Variants in ERICH3 observed in about 807,000 individuals in gnomAD.
ERICH3 encodes the protein glutamate rich 3.
ERICH3 carries 126 observed loss-of-function variants against 131.1 expected under a neutral mutation model. The observed-to-expected ratio is 0.96, with a 90% CI of 0.83 to 1.11. The LOEUF is 1.11. Ranked by LOEUF, ERICH3 falls within the 50% of genes most tolerant of loss-of-function variation. ERICH3 has a pLI of 0.00. For missense variants in ERICH3, 2,050 were observed against 1,810.7 expected, an observed-to-expected ratio of 1.13 and a Z score of -2.40; for synonymous variants, 695 against 644.6, an observed-to-expected ratio of 1.08 and a Z score of -1.18.
At chr1:74,655,290 C>G (rs965835275) in intron 1 of ERICH3, among the ~76,000 whole-genome samples, 1 of 152,136 alleles carries the variant, frequency 6.6e-6, no homozygotes, top group African/African-American at 2.4e-5. Flanking sequence ...TAACAAATTA[C>G]CACATACTAG....
intron 4 of ERICH3, among the ~76,000 whole-genome samples, chr1:74,642,032 ACT>A (rs1646442142): frequency 6.6e-6 from 1 of 151,888 alleles, no homozygotes; most frequent in African/African-American, 2.4e-5. Context: ...AGTGTGAGTG[ACT>A]CTTTTTTTCC....
rs866614156 is a variant in ERICH3, at chr1:74,586,201, G to A, written c.2176+3430C>T. 6.6e-5 allele frequency among the ~76,000 whole-genome samples: 10 copies of A among 152,090 alleles called. 1 individual carries two copies. In the Middle Eastern group the frequency reaches 0.034, roughly 517 times the overall value. ...GCAATATAAGAATAACAGATAAGGT[G>A]AATAAGAAGAAAAGAGAAGTGTGCT... is the stretch of plus-strand genomic sequence containing the variant. On this transcript the variant is annotated intron_variant, in intron 12 of 14. Coordinates refer to ENST00000326665, the MANE Select transcript of ERICH3 (RefSeq NM_001002912.5).
chr1:74,666,720 C>T (rs200784293), intron 1 of ERICH3, among the ~76,000 whole-genome samples: 24 of 152,110 alleles, frequency 1.6e-4, no homozygotes, highest in East Asian at 9.7e-4. Flanking sequence ...ATAGTAAATC[C>T]TATCTTATGT....
Position 74,571,745 on chromosome 1 carries a change from C to T in ERICH3, c.3965G>A (p.Gly1322Glu). Residue 1322 changes from glycine (G) to glutamate (E), a missense_variant, in exon 14 of 15, where the codon GGA becomes GAA. Transcript: ENST00000326665. ...RNSEGDGDMEGEGNTQKNEGM... is the reference protein window; with the variant it reads ...RNSEGDGDMEEEGNTQKNEGM... ...CTCATTCTTTTGTGTGTTTCCTTCTCCTTCCATGTCCCCGTCCCCTTCCGA... is the reference window on the plus strand; with the variant it reads ...CTCATTCTTTTGTGTGTTTCCTTCTTCTTCCATGTCCCCGTCCCCTTCCGA... 3.1e-6 allele frequency: 5 copies of T among 1,614,174 alleles called. No homozygotes were observed. The highest frequency in any genetic ancestry group is 4.2e-6 in the Non-Finnish European group (5 of 1,180,028).
chr1:74,673,578 C>A lies in ERICH3; in HGVS notation c.-59G>T, dbSNP rs1298089408. On this transcript the variant is annotated 5_prime_UTR_variant, in exon 1 of 15. Coordinates refer to ENST00000326665, the MANE Select transcript of ERICH3 (RefSeq NM_001002912.5). ...TGCGGAGGGTGGGTGCGTGGGGCCC[C>A]GTGCGCGCTGGCGCTGCGACAGTCG... is the stretch of plus-strand genomic sequence containing the variant. 1 of 1,585,452 alleles carries A rather than the reference C, an allele frequency of 6.3e-7. No homozygotes were observed. Among genetic ancestry groups the A allele is most frequent in the Non-Finnish European group, 8.6e-7 (1 of 1,164,088 alleles).
At chr1:74,651,998 C>T (rs910041037) in intron 1 of ERICH3, among the ~76,000 whole-genome samples, 2 of 152,134 alleles carry the variant, frequency 1.3e-5, no homozygotes, top group Admixed American at 6.5e-5. Flanking sequence ...TGGGTTGAAA[C>T]CTTTTTACAC....
At chr1:74,578,217 T>C (rs145883453) in intron 12 of ERICH3, 1 of 156,368 alleles carries the variant, frequency 6.4e-6, no homozygotes, top group Non-Finnish European at 1.4e-5. Flanking sequence ...AATGAAATAA[T>C]ATAGAGAGAG....
Position 74,620,777 on chromosome 1 carries a change from A to G in ERICH3, c.957T>C (p.Gly319=). 1 of 1,611,410 alleles carries G rather than the reference A, an allele frequency of 6.2e-7. No homozygotes were observed. Among genetic ancestry groups the G allele is most frequent in the Non-Finnish European group, 8.5e-7 (1 of 1,179,162 alleles). ...DEIKVYQQHC[G]GENLCVYKGK... ...CTTTGTAGACACAAAGGTTTTCCCC[A>G]CCACAGTGCTGCTGATAAACTTTAA... The change falls in exon 8 of 15, where the codon GGT becomes GGC. Residue 319 remains glycine (G), a synonymous_variant. Transcript: ENST00000326665.
intron 1 of ERICH3, among the ~76,000 whole-genome samples, chr1:74,669,370 G>C (rs1646720758): frequency 6.6e-6 from 1 of 152,046 alleles, no homozygotes; most frequent in African/African-American, 2.4e-5. Flanking sequence ...AAAATTTACA[G>C]ATGAGTGCAA....
Position 74,572,094 on chromosome 1 carries a change from C to G in ERICH3, c.3616G>C (p.Glu1206Gln), listed in dbSNP as rs1438303169. The change falls in exon 14 of 15, where the codon GAA (glutamate) becomes CAA (glutamine). Residue 1206 changes from glutamate to glutamine, a missense_variant. Coordinates refer to ENST00000326665, the MANE Select transcript of ERICH3 (RefSeq NM_001002912.5). ...CCCTCTCCATCTTGGCGGTGCCCTT[C>G]CTTCAGGGCCCTATTCTCCCTGCTG... ...LSSRENRALKEGHRQDGEGAL... is the reference protein window; with the variant it reads ...LSSRENRALKQGHRQDGEGAL... The G allele has an allele frequency of 5.0e-6, 8 of 1,614,230 alleles. No individual in the cohort carries two copies. The highest frequency in any genetic ancestry group is 5.9e-6 in the Non-Finnish European group (7 of 1,180,032).
chr1:74,599,625 A>G, intron 11 of ERICH3, 70 bp downstream of exon 11: 1 of 1,263,656 alleles, frequency 7.9e-7, no homozygotes, highest in Non-Finnish European at 1.1e-6. Flanking sequence ...CTCATTAAAT[A>G]GAAAACAAAG....
intron 11 of ERICH3, among the ~76,000 whole-genome samples, chr1:74,590,823 A>T (rs886152153): frequency 1.3e-5 from 2 of 152,188 alleles, no homozygotes; most frequent in African/African-American, 4.8e-5. Context: ...GAGTATATAG[A>T]AATTTTCAAG....
At chr1:74,602,806 T>C (rs1470517555) in intron 10 of ERICH3, among the ~76,000 whole-genome samples, 2 of 151,900 alleles carry the variant, frequency 1.3e-5, no homozygotes, top group East Asian at 3.9e-4. Flanking sequence ...TAAACCACCA[T>C]GCTTCAAAGT....
intron 7 of ERICH3, among the ~76,000 whole-genome samples, chr1:74,626,668 G>C (rs1649425606): frequency 6.6e-6 from 1 of 152,130 alleles, no homozygotes; most frequent in Non-Finnish European, 1.5e-5. Context: ...GATCCTGAGT[G>C]GGAACACAAA....
Position 74,634,518 on chromosome 1 carries a change from A to C in ERICH3, c.603+1762T>G, listed in dbSNP as rs184680471. 406 of 587,610 alleles carry C rather than the reference A, an allele frequency of 6.9e-4. 2 individuals are homozygous for C. The highest frequency in any genetic ancestry group is 5.0e-3 in the Middle Eastern group (12 of 2,400). 36.4% of individuals were successfully genotyped at this position (587,610 alleles called of 1,614,324 possible). A position where few individuals can be genotyped will look rare whatever the true frequency, so the allele number is the denominator to read the frequency against. ...TATCCAGTGGCTCAGAACAGATTTGAAGAGTCACATTAAAGGAAAAAAAAA... is the reference window on the plus strand; with the variant it reads ...TATCCAGTGGCTCAGAACAGATTTGCAGAGTCACATTAAAGGAAAAAAAAA... On this transcript the variant is annotated intron_variant, in intron 6 of 14. Transcript: ENST00000326665.
intron 9 of ERICH3, among the ~76,000 whole-genome samples, chr1:74,609,448 T>C (rs1000532703): frequency 2.0e-5 from 3 of 152,092 alleles, no homozygotes; most frequent in Non-Finnish European, 4.4e-5. Flanking sequence ...AAAGTATCAT[T>C]ATGGGAGTGA....
intron 12 of ERICH3, among the ~76,000 whole-genome samples, chr1:74,586,041 T>C (rs1305561116): frequency 6.6e-6 from 1 of 152,150 alleles, no homozygotes; most frequent in East Asian, 1.9e-4. Context: ...TTATATTCCC[T>C]GATTCTATAT....
At chr1:74,629,106 G>A (rs2100620667) in intron 7 of ERICH3, among the ~76,000 whole-genome samples, 1 of 152,148 alleles carries the variant, frequency 6.6e-6, no homozygotes, top group African/African-American at 2.4e-5. Flanking sequence ...ATACGACGGA[G>A]TTAAAATCAT....
intron 1 of ERICH3, among the ~76,000 whole-genome samples, chr1:74,671,277 G>A (rs1048679534): frequency 1.8e-4 from 27 of 151,262 alleles, no homozygotes; most frequent in African/African-American, 6.1e-4. Flanking sequence ...TGTGATCTTT[G>A]TTGGACCCTT....
Sources: allele counts gnomAD v4.1 joint callset (sites outside exome capture counted in the v4.1 genomes callset), GRCh38; gene constraint gnomAD v4.1.1; transcripts MANE v1.5; gene names NCBI Gene and HGNC (gene_info 2026-07-23, HGNC 2026-07-21).